Variants in ZNF469 observed in about 807,000 individuals in gnomAD.
ZNF469 encodes the protein zinc finger protein 469.
In ZNF469, 1 loss-of-function variant was observed where a neutral mutation model predicts 1.0. That is an observed-to-expected ratio of 1.00 (90% CI 0.35 to 4.73). ZNF469 has a LOEUF of 4.73. Ranked by LOEUF, ZNF469 falls within the 30% of genes most tolerant of loss-of-function variation. The pLI is 0.16. For missense variants in ZNF469, 6,100 were observed against 5,356.3 expected (o/e 1.14, Z -4.33); for synonymous variants, 2,703 against 2,363.4 (o/e 1.14, Z -4.17).
chr16:88,179,681 G>C, the ZNF469 span, among the ~76,000 whole-genome samples: 23 of 152,206 alleles, frequency 1.5e-4, no homozygotes, highest in African/African-American at 5.6e-4. Context: ...CCCATACAGA[G>C]TTTGAGAACC....
chr16:88,402,698 C>T (rs1043859681), intron 1 of ZNF469, among the ~76,000 whole-genome samples: 1 of 152,174 alleles, frequency 6.6e-6, no homozygotes, highest in East Asian at 1.9e-4. Flanking sequence ...CCAGCCCTGC[C>T]AGGATCTGGG....
intron 1 of ZNF469, among the ~76,000 whole-genome samples, chr16:88,392,296 G>A (rs902915544): frequency 6.6e-6 from 1 of 152,226 alleles, no homozygotes. Context: ...GCTGCTGCAC[G>A]AGCAGCTCAG....
chr16:88,438,707 G>A lies in ZNF469; in HGVS notation c.11237G>A (p.Gly3746Asp). Residue 3746 changes from glycine to aspartate, a missense_variant, in exon 3 of 3, where the codon GGT becomes GAT. Coordinates refer to ENST00000565624, the MANE Select transcript of ZNF469 (RefSeq NM_001367624.2). ...CCTCGCCCCGGCACCAAGACAGGAG[G>A]TGGCAGCCAGCCCCAGCCAGCCAGC... ...GSPRPGTKTG[G>D]GSQPQPASGQ... 6.5e-7 allele frequency: 1 copy of A among 1,550,020 alleles called. No individual in the cohort carries two copies. Among genetic ancestry groups the A allele is most frequent in the Non-Finnish European group, 8.7e-7 (1 of 1,146,846 alleles).
the ZNF469 span, among the ~76,000 whole-genome samples, chr16:88,226,295 G>A: frequency 6.6e-6 from 1 of 152,134 alleles, no homozygotes; most frequent in African/African-American, 2.4e-5. Context: ...CAGATGTGAG[G>A]AGGGTGAGGT....
At chr16:88,253,711 G>C in the ZNF469 span, among the ~76,000 whole-genome samples, 3 of 151,908 alleles carry the variant, frequency 2.0e-5, no homozygotes, top group African/African-American at 7.3e-5. Flanking sequence ...GCTAATTTTT[G>C]TATTTTTAGT....
In ZNF469 at chr16:88,403,754, G is replaced by A. The variant is rs1027937178; in HGVS notation, c.-192+20500G>A. On this transcript the variant is annotated intron_variant, in intron 1 of 2. Coordinates refer to ENST00000565624, the MANE Select transcript of ZNF469 (RefSeq NM_001367624.2). ...GTTTTACTCTCAGAAGTAGCCTGGTGCCCACAAAGCATCCTCCATCCTCCC... is the reference window on the plus strand; with the variant it reads ...GTTTTACTCTCAGAAGTAGCCTGGTACCCACAAAGCATCCTCCATCCTCCC... 4.0e-4 allele frequency among the ~76,000 whole-genome samples: 61 copies of A among 152,214 alleles called. 1 individual carries two copies. Among genetic ancestry groups the A allele is most frequent in the Admixed American group, 4.0e-3 (61 of 15,282 alleles).
chr16:88,322,412 G>A, the ZNF469 span, among the ~76,000 whole-genome samples: 2 of 152,232 alleles, frequency 1.3e-5, no homozygotes, highest in South Asian at 2.1e-4. Context: ...CGGGAGCCCC[G>A]CCCTGCCTGT....
the ZNF469 span, among the ~76,000 whole-genome samples, chr16:88,293,314 T>TTGGATGGATGGATGGATGGA: frequency 2.7e-5 from 4 of 146,696 alleles, no homozygotes; most frequent in African/African-American, 7.6e-5. Context: ...GGATGGGTAA[T>TTGGATGGATGGATGGATGGA]TGGATGGATG....
the ZNF469 span, among the ~76,000 whole-genome samples, chr16:88,140,371 G>T: frequency 3.3e-5 from 5 of 149,894 alleles, no homozygotes; most frequent in East Asian, 9.7e-4. Context: ...CGTAGAAATC[G>T]GGGGGTAGCA....
intron 1 of ZNF469, among the ~76,000 whole-genome samples, chr16:88,423,136 ATGGATGGATGGGTGGGTTGG>A (rs1401215340): frequency 1.2e-3 from 13 of 11,184 alleles, no homozygotes; most frequent in Admixed American, 8.5e-3. Flanking sequence ...GGATGGATAG[ATGGATGGATGGGTGGGTTGG>A]TGGATGGATG....
the ZNF469 span, among the ~76,000 whole-genome samples, chr16:88,186,561 G>A: frequency 6.6e-6 from 1 of 152,178 alleles, no homozygotes. Context: ...GCTCCCAGAG[G>A]GGACCCGCAG....
chr16:88,410,101 G>C (rs1255478519), intron 1 of ZNF469, among the ~76,000 whole-genome samples: 1 of 152,110 alleles, frequency 6.6e-6, no homozygotes, highest in Non-Finnish European at 1.5e-5. Flanking sequence ...ATGTGGGGGT[G>C]GGGGAAGGAA....
the ZNF469 span, among the ~76,000 whole-genome samples, chr16:88,254,479 C>T: frequency 3.9e-5 from 6 of 152,056 alleles, no homozygotes; most frequent in South Asian, 2.1e-4. Context: ...ATCTGGCAGC[C>T]GGGCATGGTG....
At chr16:88,381,181 T>C (rs1249669573), upstream of ZNF469, among the ~76,000 whole-genome samples, 34 of 75,834 alleles carry the variant, frequency 4.5e-4, 1 homozygote, top group African/African-American at 1.9e-3. Context: ...CACACAGACA[T>C]GCACTCACAC....
intron 1 of ZNF469, among the ~76,000 whole-genome samples, chr16:88,407,296 C>T (rs1342536468): frequency 1.3e-5 from 2 of 152,256 alleles, no homozygotes; most frequent in East Asian, 3.8e-4. Flanking sequence ...GAACCGTCGC[C>T]AGCACCTGCG....
At chr16:88,315,370 C>T in the ZNF469 span, among the ~76,000 whole-genome samples, 1 of 152,230 alleles carries the variant, frequency 6.6e-6, no homozygotes, top group South Asian at 2.1e-4. Context: ...TGCACACAGA[C>T]CCAGGAAGTG....
At chr16:88,143,085 A>G in the ZNF469 span, among the ~76,000 whole-genome samples, 49 of 152,050 alleles carry the variant, frequency 3.2e-4, no homozygotes, top group African/African-American at 1.1e-3. Context: ...CAGGCACTTC[A>G]CCGACACCCG....
chr16:88,337,488 C>T, the ZNF469 span, among the ~76,000 whole-genome samples: 12 of 152,212 alleles, frequency 7.9e-5, no homozygotes, highest in African/African-American at 2.7e-4. Flanking sequence ...AGTGTGAGAA[C>T]GGACTAATAC....
intron 1 of ZNF469, among the ~76,000 whole-genome samples, chr16:88,408,453 A>G (rs1445710032): frequency 6.6e-6 from 1 of 152,238 alleles, no homozygotes; most frequent in Non-Finnish European, 1.5e-5. Flanking sequence ...TGCCCAGCCC[A>G]CTTAGTACTT....
Sources: gnomAD v4.1 joint callset for allele counts (sites outside exome capture counted in the v4.1 genomes callset) on GRCh38, gnomAD v4.1.1 for gene constraint, MANE v1.5 for transcripts, NCBI Gene and HGNC (gene_info 2026-07-23, HGNC 2026-07-21) for gene names.